Variants in PRDM2 observed in about 807,000 individuals in gnomAD.
PRDM2 encodes PR domain zinc finger protein 2.
Under a neutral mutation model 130.0 loss-of-function variants are expected in PRDM2, and 30 were observed. The ratio of observed to expected loss-of-function variants is 0.23; its 90% CI spans 0.17 to 0.31. The LOEUF (loss-of-function observed/expected upper bound fraction) is 0.31, where lower values mean the gene tolerates loss of function less well. PRDM2 is among the 10% of genes least tolerant of loss of function. PRDM2 has a pLI of 1.00. For missense variants in PRDM2, 2,011 were observed against 2,108.4 expected, an observed-to-expected ratio of 0.95 and a Z score of 0.90; for synonymous variants, 871 against 782.4, an observed-to-expected ratio of 1.11 and a Z score of -1.89.
Position 13,781,208 on chromosome 1 carries a change from T to C in PRDM2, c.3413T>C (p.Val1138Ala), listed in dbSNP as rs200453260. Residue 1138 changes from valine (V) to alanine (A), a missense_variant, in exon 8 of 10, where the codon GTC becomes GCC. Transcript: ENST00000311066. The surrounding 1 kb of genome is among the most constrained non-coding windows in gnomAD (Gnocchi z 6.1). ...ETFNKNFVCN[V>A]CESPFLSIKD... The stretch of plus-strand genomic sequence containing the variant: ...TTCAACAAAAACTTTGTTTGCAACG[T>C]CTGTGAATCACCTTTTCTTTCCATT... The C allele has an allele frequency of 3.3e-5, 54 of 1,614,228 alleles. No homozygotes were observed. The Admixed American group carries it at 5.0e-4, about 15-fold the overall frequency.
intron 2 of PRDM2, among the ~76,000 whole-genome samples, chr1:13,729,901 G>A (rs1358069895): frequency 1.3e-5 from 2 of 152,202 alleles, no homozygotes; most frequent in Non-Finnish European, 2.9e-5. Flanking sequence ...GAAGTAGACT[G>A]TTGATAATTA....
chr1:13,749,464 G>C lies in PRDM2; in HGVS notation c.488G>C (p.Arg163Pro). 1 of 1,495,014 alleles carries C rather than the reference G, an allele frequency of 6.7e-7. No homozygotes were observed. 92.6% of individuals were successfully genotyped at this position (1,495,014 alleles called of 1,614,324 possible). A position where few individuals can be genotyped will look rare whatever the true frequency, so the allele number is the denominator to read the frequency against. ...EEERASARSKRSSPKSRKGKK... is the reference protein window; with the variant it reads ...EEERASARSKPSSPKSRKGKK... ...GAGCGAGCCAGCGCCCGGAGCAAGC[G>C]GAGCTCCCCCAAGAGCCGGAAAGGT... The change falls in exon 6 of 10, where the codon CGG (arginine) becomes CCG (proline). Residue 163 changes from arginine (R) to proline (P), a missense_variant. Physicochemically the swap from Arg to Pro is moderately radical, Grantham distance 103. This residue lies in a region of PRDM2 where 1,288 missense variants were observed against 1,237.7 expected (regional missense o/e 1.04). Transcript: ENST00000311066.
chr1:13,786,570 A>T (rs201473861), intron 8 of PRDM2: 5 of 1,605,018 alleles, frequency 3.1e-6, no homozygotes, highest in Non-Finnish European at 4.2e-6. Flanking sequence ...ACTAAAAAGT[A>T]TTGCATGCTC....
In PRDM2 at chr1:13,773,145, T is replaced by C. The variant is rs1644394869; in HGVS notation, c.579T>C (p.Ser193=). Reference sequence around the variant, plus strand: ...TCCAAGACATACAACTGAAGACAAGTGAGCCAGATTTCACCTCTGCAAATA... The same window carrying C: ...TCCAAGACATACAACTGAAGACAAGCGAGCCAGATTTCACCTCTGCAAATA... ...NKIQDIQLKT[S]EPDFTSANMR... Residue 193 remains serine (S), a synonymous_variant, in exon 7 of 10, where the codon AGT becomes AGC. Coordinates refer to ENST00000311066, the MANE Select transcript of PRDM2 (RefSeq NM_001393986.1). The C allele has an allele frequency of 6.3e-7, 1 of 1,576,864 alleles. No individual in the cohort carries two copies. The highest frequency in any genetic ancestry group is 1.4e-5 in the African/African-American group (1 of 73,278).
rs1377718565 is a variant in PRDM2 at position 13,780,813 on chromosome 1, A to G, written c.3018A>G (p.Pro1006=). 2 of 1,495,116 alleles carry G rather than the reference A, an allele frequency of 1.3e-6. No individual in the cohort carries two copies. The highest frequency in any genetic ancestry group is 2.6e-5 in the East Asian group (1 of 37,836). 92.6% of individuals were successfully genotyped at this position (1,495,116 alleles called of 1,614,324 possible). A position where few individuals can be genotyped will look rare whatever the true frequency, so the allele number is the denominator to read the frequency against. The change falls in exon 8 of 10, where the codon CCA becomes CCG. Residue 1006 remains proline (P), a synonymous_variant. Transcript: ENST00000311066. ...PAPSSSASPH[P]CPSPLSNATA... is the part of the protein sequence containing the mutation. ...CCTCTTCCAGTGCATCTCCACACCC[A>G]TGCCCCTCTCCACTCTCAAATGCCA...
intron 2 of PRDM2, among the ~76,000 whole-genome samples, chr1:13,721,663 CAAA>C (rs779518504): frequency 1.2e-4 from 18 of 150,808 alleles, no homozygotes; most frequent in Admixed American, 1.1e-3. Flanking sequence ...TTGTGAAATT[CAAA>C]AAAAAATTAA....
Position 13,773,182 on chromosome 1 carries a change from G to T in PRDM2, c.616G>T (p.Ala206Ser). The T allele has an allele frequency of 6.5e-7, 1 of 1,544,930 alleles. No individual in the cohort carries two copies. The highest frequency in any genetic ancestry group is 8.7e-7 in the Non-Finnish European group (1 of 1,146,444). The change falls in exon 7 of 10, where the codon GCA (alanine) becomes TCA (serine). Residue 206 changes from alanine (A) to serine (S), a missense_variant. Physicochemically the swap from Ala to Ser is moderately conservative, Grantham distance 99 (BLOSUM62 1). Coordinates refer to ENST00000311066, the MANE Select transcript of PRDM2 (RefSeq NM_001393986.1). The stretch of plus-strand genomic sequence containing the variant: ...CACCTCTGCAAATATGAGAGATTCT[G>T]CAGAAGGTAAGCTTGTGATATTGGC... Reference protein sequence around the residue: ...DFTSANMRDSAEGPKEDEEKP... With the variant: ...DFTSANMRDSSEGPKEDEEKP...
At chr1:13,774,999 C>A (rs1644443914) in intron 7 of PRDM2, among the ~76,000 whole-genome samples, 1 of 151,960 alleles carries the variant, frequency 6.6e-6, no homozygotes, top group Non-Finnish European at 1.5e-5. Context: ...ATGACACTTG[C>A]TCTTCACCCC....
At position 13,781,546 on chromosome 1, in the gene PRDM2, G is replaced by T; in HGVS notation, c.3751G>T (p.Asp1251Tyr). ...HVEHMQSLPE[D>Y]PLETSKEEEE... is the part of the protein sequence containing the mutation. ...AGAGCATATGCAGAGCTTGCCAGAA[G>T]ATCCTTTAGAAACTTCTAAAGAAGA... The change falls in exon 8 of 10, where the codon GAT (aspartate) becomes TAT (tyrosine). Residue 1251 changes from aspartate (D) to tyrosine (Y), a missense_variant. Asp to Tyr is a radical substitution (Grantham distance 160). Transcript: ENST00000311066. The surrounding 1 kb of genome is among the most constrained non-coding windows in gnomAD (Gnocchi z 6.1). The T allele has an allele frequency of 1.2e-6, 2 of 1,612,242 alleles. No homozygotes were observed. The highest frequency in any genetic ancestry group is 1.7e-6 in the Non-Finnish European group (2 of 1,179,962).
At chr1:13,821,937 C>T (rs754939982) in intron 9 of PRDM2, among the ~76,000 whole-genome samples, 5 of 152,200 alleles carry the variant, frequency 3.3e-5, no homozygotes, top group Non-Finnish European at 5.9e-5. Flanking sequence ...ACCTCTGCTG[C>T]TCATCATCTG....
In PRDM2 at chr1:13,783,663, G is replaced by A. The variant is rs115673334; in HGVS notation, c.5036+832G>A. Among the ~76,000 whole-genome samples, 472 of 152,272 alleles carry A rather than the reference G, an allele frequency of 3.1e-3. 2 individuals are homozygous for A. The highest frequency in any genetic ancestry group is 0.011 in the African/African-American group (446 of 41,544). On this transcript the variant is annotated intron_variant, in intron 8 of 9. Transcript: ENST00000311066. ...CAGTGACAGATGAAGAGAGGGCAGC[G>A]GTTAAATTTGTTACATTGGATTCTC...
intron 8 of PRDM2, among the ~76,000 whole-genome samples, chr1:13,808,098 C>G (rs1253146133): frequency 6.6e-6 from 1 of 152,222 alleles, no homozygotes; most frequent in East Asian, 1.9e-4. Context: ...GTGGGGCACA[C>G]AGCAGGTTCC....
At position 13,781,592 on chromosome 1, in the gene PRDM2, C is replaced by T; in HGVS notation, c.3797C>T (p.Ser1266Phe). Residue 1266 changes from serine (S) to phenylalanine (F), a missense_variant, in exon 8 of 10, where the codon TCT becomes TTT. Ser to Phe is a radical substitution (Grantham distance 155, BLOSUM62 -2). This residue lies in a region of PRDM2 where 229 missense variants were observed against 364.1 expected (regional missense o/e 0.63). Transcript: ENST00000311066. This position sits in a 1 kb window ranked among gnomAD's most constrained non-coding sequence, Gnocchi z 6.1. Reference sequence around the variant, plus strand: ...GAAGAAGAGGAGTTAAATGATTCCTCTGAAGAGCTTTACACGACTATAAAA... The same window carrying T: ...GAAGAAGAGGAGTTAAATGATTCCTTTGAAGAGCTTTACACGACTATAAAA... ...SKEEEELNDS[S>F]EELYTTIKIM... 1 of 1,613,044 alleles carries T rather than the reference C, an allele frequency of 6.2e-7. No homozygotes were observed. The highest frequency in any genetic ancestry group is 2.2e-5 in the East Asian group (1 of 44,890).
intron 1 of PRDM2, among the ~76,000 whole-genome samples, chr1:13,713,570 A>G (rs943293092): frequency 1.3e-5 from 2 of 152,226 alleles, no homozygotes; most frequent in South Asian, 2.1e-4. Context: ...AACAAAGGGA[A>G]ATGGTAAAGC....
intron 8 of PRDM2, among the ~76,000 whole-genome samples, chr1:13,791,319 ACTT>A (rs1167314847): frequency 6.6e-6 from 1 of 152,072 alleles, no homozygotes; most frequent in African/African-American, 2.4e-5. Context: ...TGTGGAATAA[ACTT>A]CTACCCCCAT....
chr1:13,741,730 G>A (rs1445503954), intron 4 of PRDM2, among the ~76,000 whole-genome samples: 1 of 102,708 alleles, frequency 9.7e-6, no homozygotes, highest in Non-Finnish European at 2.5e-5. Flanking sequence ...TTGTGTGTGT[G>A]TGTGTGTGTG....
At chr1:13,751,765 A>G (rs1643849121) in intron 6 of PRDM2, among the ~76,000 whole-genome samples, 1 of 152,188 alleles carries the variant, frequency 6.6e-6, no homozygotes, top group Non-Finnish European at 1.5e-5. Flanking sequence ...AAAGGGCTGA[A>G]TTCTTCATAG....
intron 8 of PRDM2, among the ~76,000 whole-genome samples, chr1:13,794,808 T>C (rs915207782): frequency 3.3e-5 from 5 of 152,160 alleles, no homozygotes; most frequent in Non-Finnish European, 7.4e-5. Flanking sequence ...ACAGCGTGAG[T>C]TGTAGTAGCC....
intron 8 of PRDM2, among the ~76,000 whole-genome samples, chr1:13,795,394 G>T (rs944713254): frequency 9.8e-5 from 15 of 152,324 alleles, no homozygotes; most frequent in African/African-American, 3.6e-4. Flanking sequence ...GTCACAGATG[G>T]TAGGAGGTGG....
Sources: allele counts gnomAD v4.1 joint callset (sites outside exome capture counted in the v4.1 genomes callset), GRCh38; gene constraint gnomAD v4.1.1; regional missense constraint gnomAD v4.1.1; non-coding constraint Gnocchi (gnomAD v3.1); transcripts MANE v1.5; gene names NCBI Gene and HGNC (gene_info 2026-07-23, HGNC 2026-07-21).